PACS2: variants seen among roughly 807,000 people sequenced by gnomAD.
The protein encoded by PACS2 is PACS1-like protein.
A neutral mutation model predicts 113.0 loss-of-function variants in PACS2; 36 were observed. The observed-to-expected ratio is 0.32, with a 90% CI of 0.24 to 0.42. The LOEUF (loss-of-function observed/expected upper bound fraction) is 0.42, where lower values mean the gene tolerates loss of function less well. Ranked by LOEUF, PACS2 falls within the 10% of genes least tolerant of loss-of-function variation. The probability of loss-of-function intolerance (pLI) is 1.00; values close to 1 mark genes in which losing one functional copy is unlikely to be tolerated. For missense variants in PACS2, 1,015 were observed against 1,239.5 expected, an observed-to-expected ratio of 0.82 and a Z score of 2.72; for synonymous variants, 589 against 536.1, an observed-to-expected ratio of 1.10 and a Z score of -1.36.
chr14:105,327,942 C>T (rs1490408356), intron 1 of PACS2, among the ~76,000 whole-genome samples: 3 of 151,876 alleles, frequency 2.0e-5, no homozygotes, highest in Non-Finnish European at 2.9e-5. Context: ...CTTGGCTCAC[C>T]GGCCCAGGCC....
At position 105,315,662 on chromosome 14, in the gene PACS2, G is replaced by C. The variant is rs587663156; in HGVS notation, c.119+625G>C. 1 of 152,274 alleles carries C rather than the reference G, an allele frequency of 6.6e-6. No individual in the cohort carries two copies. The highest frequency in any genetic ancestry group is 2.4e-5 in the African/African-American group (1 of 41,456). The allele number at this position is 152,274 out of a possible 1,614,324, so 9.4% of individuals were successfully genotyped here. On this transcript the variant is annotated intron_variant, in intron 1 of 24. Coordinates refer to ENST00000447393, the MANE Select transcript of PACS2 (RefSeq NM_001100913.3). This position sits in a 1 kb window ranked among gnomAD's most constrained non-coding sequence, Gnocchi z 4.4. ...AAGACTGGCTGTTCTGCACTTGGTA[G>C]GGGGGCGCCCGGTCGCCCAGCGGTA...
chr14:105,385,547 GC>G, intron 18 of PACS2, 137 bp from the exon 19 acceptor site: 1 of 555,216 alleles, frequency 1.8e-6, no homozygotes, highest in South Asian at 2.6e-5. Context: ...AGTGCAAGGC[GC>G]AAAGCCAGCG....
At chr14:105,350,600 G>A (rs1208885449) in intron 2 of PACS2, among the ~76,000 whole-genome samples, 3 of 152,062 alleles carry the variant, frequency 2.0e-5, no homozygotes, top group African/African-American at 7.2e-5. Context: ...TGCTTCTCTT[G>A]GGGTGTCCTC....
chr14:105,332,410 G>T (rs1162406043), intron 1 of PACS2, among the ~76,000 whole-genome samples: 1 of 152,234 alleles, frequency 6.6e-6, no homozygotes, highest in African/African-American at 2.4e-5. Flanking sequence ...AGTGAGAGGA[G>T]CAGGTGGCCC....
chr14:105,316,410 C>A (rs1361465596), intron 1 of PACS2, among the ~76,000 whole-genome samples: 2 of 152,242 alleles, frequency 1.3e-5, no homozygotes, highest in Non-Finnish European at 2.9e-5. Flanking sequence ...TCAGGTCCCA[C>A]AGCCCCACAG....
At chr14:105,322,060 C>A (rs1756452671) in intron 1 of PACS2, among the ~76,000 whole-genome samples, 1 of 151,970 alleles carries the variant, frequency 6.6e-6, no homozygotes, top group East Asian at 1.9e-4. Flanking sequence ...GCCTCAGCCT[C>A]CCGAGTAGCT....
chr14:105,397,263 CTGAGGGTGCA>C lies in PACS2; in HGVS notation c.*2594_*2603del, dbSNP rs2081554142. 1.3e-5 allele frequency: 2 copies of C among 152,374 alleles called. No individual in the cohort carries two copies. Among genetic ancestry groups the C allele is most frequent in the South Asian group, 4.1e-4 (2 of 4,840 alleles). The allele number at this position is 152,374 out of a possible 1,614,324, so 9.4% of individuals were successfully genotyped here. On this transcript the variant is annotated 3_prime_UTR_variant, in exon 25 of 25. Coordinates refer to ENST00000447393, the MANE Select transcript of PACS2 (RefSeq NM_001100913.3). ...TCCCTGCCTACCTCACAGAGCTGTT[CTGAGGGTGCA>C]TGGAGGAGCACTCTGTCCCACCAAG...
At chr14:105,327,761 G>A (rs909737710) in intron 1 of PACS2, among the ~76,000 whole-genome samples, 2 of 152,216 alleles carry the variant, frequency 1.3e-5, no homozygotes, top group African/African-American at 4.8e-5. Flanking sequence ...GCGGTTCCCT[G>A]CCAGGGAGCA....
intron 1 of PACS2, among the ~76,000 whole-genome samples, chr14:105,347,186 G>C (rs1555402846): frequency 1.3e-5 from 2 of 150,196 alleles, no homozygotes; most frequent in African/African-American, 4.9e-5. Flanking sequence ...CACCTGAGCA[G>C]CCAGGATGGG....
In PACS2 at chr14:105,376,667, C is replaced by T. The variant is rs146951066; in HGVS notation, c.802-101C>T. 609 of 1,116,746 alleles carry T rather than the reference C, an allele frequency of 5.5e-4. 5 individuals are homozygous for T. In the East Asian group the frequency reaches 0.015, roughly 27 times the overall value. 69.2% of individuals were successfully genotyped at this position (1,116,746 alleles called of 1,614,324 possible). A position where few individuals can be genotyped will look rare whatever the true frequency, so the allele number is the denominator to read the frequency against. ...AGTGGAGGGGTTTGGTGGCTGGGTG[C>T]CCGCCTCCTATTGCTCCTGCAGACT... On this transcript the variant is annotated intron_variant, in intron 8 of 24. Coordinates refer to ENST00000447393, the MANE Select transcript of PACS2 (RefSeq NM_001100913.3). The surrounding 1 kb of genome is among the most constrained non-coding windows in gnomAD (Gnocchi z 4.7).
intron 4 of PACS2, among the ~76,000 whole-genome samples, chr14:105,362,489 A>C (rs2060762215): frequency 6.6e-6 from 1 of 152,034 alleles, no homozygotes; most frequent in African/African-American, 2.4e-5. Flanking sequence ...TACCTTGCCC[A>C]GATCCATCAG....
intron 5 of PACS2, among the ~76,000 whole-genome samples, chr14:105,367,730 G>A (rs1168607612): frequency 6.6e-6 from 1 of 152,262 alleles, no homozygotes; most frequent in East Asian, 1.9e-4. Flanking sequence ...GGGGTCACCA[G>A]GGCCTCCCCT....
intron 1 of PACS2, among the ~76,000 whole-genome samples, chr14:105,332,881 G>A (rs902253596): frequency 1.3e-5 from 2 of 152,180 alleles, no homozygotes; most frequent in Admixed American, 1.3e-4. Flanking sequence ...TCCTCTTGAT[G>A]TGGGGCAGAG....
intron 1 of PACS2, among the ~76,000 whole-genome samples, chr14:105,338,544 G>C (rs1555401025): frequency 6.6e-6 from 1 of 152,164 alleles, no homozygotes; most frequent in East Asian, 1.9e-4. Context: ...CAGGATTCCG[G>C]GTCCTCCAGG....
chr14:105,373,914 G>T (rs587631593), intron 8 of PACS2, among the ~76,000 whole-genome samples: 4 of 152,176 alleles, frequency 2.6e-5, no homozygotes, highest in African/African-American at 7.2e-5. Context: ...GAGGCTTGAG[G>T]CTCAAGTGAC....
At chr14:105,367,756 G>C (rs1555408309) in intron 5 of PACS2, among the ~76,000 whole-genome samples, 1 of 152,268 alleles carries the variant, frequency 6.6e-6, no homozygotes, top group East Asian at 1.9e-4. Flanking sequence ...TCAGGCGGGG[G>C]AGACCCAGTC....
chr14:105,384,862 G>A lies in PACS2; in HGVS notation c.1892-17G>A, dbSNP rs587655265. The A allele has an allele frequency of 8.2e-6, 12 of 1,469,892 alleles. No individual in the cohort carries two copies. Among genetic ancestry groups the A allele is most frequent in the South Asian group, 2.4e-5 (2 of 83,018 alleles). The allele number at this position is 1,469,892 out of a possible 1,614,324, so 91.1% of individuals were successfully genotyped here. On this transcript the variant is annotated splice_polypyrimidine_tract_variant and intron_variant, in intron 17 of 24. Coordinates refer to ENST00000447393, the MANE Select transcript of PACS2 (RefSeq NM_001100913.3). ...CCTGGCACCAGCCTAACCCCCCACC[G>A]CCTCCTCCCCCTGCAGTACAGGACA...
Position 105,320,534 on chromosome 14 carries a change from G to A in PACS2, c.119+5497G>A, listed in dbSNP as rs587621636. ...AATTTTAAATTTTTTGTAGAGATGG[G>A]GTCTCACTATGTTGCTCAGGCTGGT... On this transcript the variant is annotated intron_variant, in intron 1 of 24. Coordinates refer to ENST00000447393, the MANE Select transcript of PACS2 (RefSeq NM_001100913.3). Among the ~76,000 whole-genome samples, 4 of 152,056 alleles carry A rather than the reference G, an allele frequency of 2.6e-5. No individual in the cohort carries two copies. In the South Asian group the frequency reaches 8.3e-4, roughly 32 times the overall value.
At chr14:105,335,066 C>G (rs1249137115) in intron 1 of PACS2, among the ~76,000 whole-genome samples, 1 of 152,248 alleles carries the variant, frequency 6.6e-6, no homozygotes, top group Non-Finnish European at 1.5e-5. Flanking sequence ...ACAGGCCCAG[C>G]AGGTCTGAGG....
Sources: gnomAD v4.1 joint callset for allele counts (sites outside exome capture counted in the v4.1 genomes callset) on GRCh38, gnomAD v4.1.1 for gene constraint, Gnocchi (gnomAD v3.1) non-coding constraint, MANE v1.5 for transcripts, NCBI Gene and HGNC (gene_info 2026-07-23, HGNC 2026-07-21) for gene names.